NCOR2: variants seen among roughly 807,000 people sequenced by gnomAD.
NCOR2 encodes the protein nuclear receptor corepressor 2.
In NCOR2, 81 loss-of-function variants were observed where a neutral mutation model predicts 262.9. That is an observed-to-expected ratio of 0.31 (90% CI 0.26 to 0.37). The LOEUF is 0.37. NCOR2 is among the 10% of genes least tolerant of loss of function. The pLI is 1.00. For synonymous variants in NCOR2, 1,659 were observed against 1,559.3 expected (o/e 1.06, Z -1.51); for missense variants, 3,385 against 3,621.4 (o/e 0.93, Z 1.68).
At chr12:124,365,082 T>C (rs59792595) in intron 20 of NCOR2, among the ~76,000 whole-genome samples, 1,659 of 152,108 alleles carry the variant, frequency 0.011, 32 homozygotes, top group African/African-American at 0.037. Context: ...TTTGGGGGTA[T>C]GGAAGCAGCC....
chr12:124,422,408 C>T (rs2043260229), intron 12 of NCOR2, 93 bp downstream of exon 14: 1 of 1,496,564 alleles, frequency 6.7e-7, no homozygotes, highest in Non-Finnish European at 9.2e-7. Flanking sequence ...AGGCCAGGGC[C>T]TTGTGGGCAA....
At chr12:124,376,681 G>A (rs950728289) in intron 18 of NCOR2, among the ~76,000 whole-genome samples, 1 of 152,174 alleles carries the variant, frequency 6.6e-6, no homozygotes, top group Admixed American at 6.5e-5. Flanking sequence ...GCGGGGATTC[G>A]GGCTGGTGAA....
intron 13 of NCOR2, among the ~76,000 whole-genome samples, chr12:124,409,574 C>T (rs1206965572): frequency 6.6e-6 from 1 of 152,226 alleles, no homozygotes; most frequent in Non-Finnish European, 1.5e-5. Context: ...TACGCATGGT[C>T]CAAGTCCCCC....
exon 45 of NCOR2, chr12:124,327,521 G>C: frequency 6.2e-7 from 1 of 1,613,810 alleles, no homozygotes; most frequent in Non-Finnish European, 8.5e-7. Context: ...TGAGCGGCGG[G>C]GACTCTTCCC....
chr12:124,410,733 G>A (rs2042531019), intron 13 of NCOR2, among the ~76,000 whole-genome samples: 1 of 152,182 alleles, frequency 6.6e-6, no homozygotes, highest in Non-Finnish European at 1.5e-5. Context: ...CAGGCAGCTA[G>A]CCCTGAATAC....
intron 1 of NCOR2, among the ~76,000 whole-genome samples, chr12:124,492,743 T>C (rs1219329363): frequency 1.3e-5 from 2 of 152,114 alleles, no homozygotes; most frequent in Non-Finnish European, 2.9e-5. Context: ...GCTGAGGGGC[T>C]TCCAGGGAGG....
At chr12:124,550,515 G>T (rs71458855) in intron 1 of NCOR2, among the ~76,000 whole-genome samples, 18 of 152,284 alleles carry the variant, frequency 1.2e-4, no homozygotes, top group South Asian at 2.1e-4. Flanking sequence ...TGGTGAACGG[G>T]GGGGAGGACA....
At chr12:124,346,991 C>T (rs2036983974) in intron 30 of NCOR2, 141 bp from the exon 33 acceptor site, 3 of 1,011,230 alleles carry the variant, frequency 3.0e-6, no homozygotes, top group Non-Finnish European at 4.1e-6. Flanking sequence ...AATCTGACCT[C>T]TCTGGGCCTC....
chr12:124,375,452 C>T (rs144356706), intron 18 of NCOR2, among the ~76,000 whole-genome samples: 54 of 152,320 alleles, frequency 3.5e-4, no homozygotes, highest in African/African-American at 9.6e-4. Flanking sequence ...TGATTCAGTA[C>T]GTGTGGACTG....
intron 11 of NCOR2, among the ~76,000 whole-genome samples, chr12:124,425,734 T>C (rs1239348435): frequency 6.6e-6 from 1 of 152,154 alleles, no homozygotes; most frequent in Non-Finnish European, 1.5e-5. Flanking sequence ...CCCCCCTCCC[T>C]GGCCCCATTC....
upstream of NCOR2, among the ~76,000 whole-genome samples, chr12:124,496,190 C>G (rs2048370790): frequency 6.6e-6 from 1 of 151,944 alleles, no homozygotes; most frequent in South Asian, 2.1e-4. This position sits in a 1 kb window ranked among gnomAD's most constrained non-coding sequence, Gnocchi z 4.4. Flanking sequence ...CACGGGGACC[C>G]CTACTCCGAA....
At chr12:124,466,397 A>G (rs2046420169) in intron 4 of NCOR2, 111 bp from the exon 7 acceptor site, 3 of 903,176 alleles carry the variant, frequency 3.3e-6, no homozygotes, top group Non-Finnish European at 3.4e-6. Flanking sequence ...GGCCGCGCAC[A>G]GGAAGTCAGG....
exon 9 of NCOR2, chr12:124,430,773 G>A: frequency 6.2e-7 from 1 of 1,611,036 alleles, no homozygotes; most frequent in Non-Finnish European, 8.5e-7. Flanking sequence ...CATAGCGCTG[G>A]CAGAACTTCT....
At chr12:124,475,316 A>G (rs1889201125) in intron 3 of NCOR2, among the ~76,000 whole-genome samples, 1 of 152,170 alleles carries the variant, frequency 6.6e-6, no homozygotes, top group African/African-American at 2.4e-5. Flanking sequence ...AGCTCAGCCT[A>G]TCCCAGTCCT....
chr12:124,352,113 A>G (rs2037532521), intron 27 of NCOR2, among the ~76,000 whole-genome samples: 1 of 152,322 alleles, frequency 6.6e-6, no homozygotes, highest in East Asian at 1.9e-4. Context: ...CTGTACACTA[A>G]CAGTGTGGCA....
chr12:124,548,622 A>G lies in NCOR2; in HGVS notation c.-164-13011T>C, dbSNP rs1213013821. The stretch of plus-strand genomic sequence containing the variant: ...TATTATTCCATCTCACAATAACAGC[A>G]TATTATCTTTACTGTTCCTGTTATT... On this transcript the variant is annotated intron_variant, in intron 1 of 32. Transcript: ENST00000458234. The surrounding 1 kb of genome is among the most constrained non-coding windows in gnomAD (Gnocchi z 5.1). 6.6e-6 allele frequency among the ~76,000 whole-genome samples: 1 copy of G among 152,046 alleles called. No individual in the cohort carries two copies. Among genetic ancestry groups the G allele is most frequent in the African/African-American group, 2.4e-5 (1 of 41,380 alleles).
chr12:124,455,333 A>G (rs1231848828), intron 6 of NCOR2, among the ~76,000 whole-genome samples: 1 of 152,210 alleles, frequency 6.6e-6, no homozygotes, highest in Non-Finnish European at 1.5e-5. Flanking sequence ...CACTGAGAGA[A>G]GCACGACCCT....
At chr12:124,400,914 G>A (rs887199830) in intron 14 of NCOR2, among the ~76,000 whole-genome samples, 2 of 152,196 alleles carry the variant, frequency 1.3e-5, no homozygotes, top group African/African-American at 2.4e-5. Flanking sequence ...TTTCTCAAAA[G>A]GGAGTTGCGG....
exon 47 of NCOR2, chr12:124,324,504 C>T (rs904674564): frequency 1.3e-5 from 2 of 152,290 alleles, no homozygotes; most frequent in East Asian, 1.9e-4. Context: ...GAATACGCAT[C>T]GAATTCATTC....
Sources: gnomAD v4.1 joint callset for allele counts (sites outside exome capture counted in the v4.1 genomes callset) on GRCh38, gnomAD v4.1.1 for gene constraint, Gnocchi (gnomAD v3.1) non-coding constraint, MANE v1.5 for transcripts, NCBI Gene and HGNC (gene_info 2026-07-23, HGNC 2026-07-21) for gene names.